Variants in DNAJC3 observed in about 807,000 individuals in gnomAD.
The protein encoded by DNAJC3 is DnaJ heat shock protein family (Hsp40) member C3.
A neutral mutation model predicts 68.6 loss-of-function variants in DNAJC3; 38 were observed. That is an observed-to-expected ratio of 0.55 (90% CI 0.43 to 0.73). The LOEUF (loss-of-function observed/expected upper bound fraction) is 0.73. DNAJC3 is among the 30% of genes least tolerant of loss of function. The pLI, the probability that DNAJC3 is intolerant of heterozygous loss-of-function variation, is 0.00. For synonymous variants in DNAJC3, 203 were observed against 204.0 expected, an observed-to-expected ratio of 1.00 and a Z score of 0.04; for missense variants, 526 against 591.9, an observed-to-expected ratio of 0.89 and a Z score of 1.16.
intron 2 of DNAJC3, among the ~76,000 whole-genome samples, chr13:95,715,982 C>T (rs1473257802): frequency 6.6e-6 from 1 of 151,432 alleles, no homozygotes; most frequent in Non-Finnish European, 1.5e-5. Flanking sequence ...CATGGTGAAA[C>T]CTCCTCTCTA....
chr13:95,683,016 G>C (rs1374351188), intron 1 of DNAJC3, among the ~76,000 whole-genome samples: 1 of 152,174 alleles, frequency 6.6e-6, no homozygotes, highest in African/African-American at 2.4e-5. Flanking sequence ...TTGTGGAGTT[G>C]GGACTTTGAG....
chr13:95,691,024 C>A (rs1161980953), intron 1 of DNAJC3, among the ~76,000 whole-genome samples: 14 of 143,810 alleles, frequency 9.7e-5, no homozygotes, highest in African/African-American at 3.1e-4. Context: ...GGGCTGACCC[C>A]CCCACCTCCC....
At position 95,792,538 on chromosome 13, in the gene DNAJC3, C is replaced by A. The variant is rs774671992; in HGVS notation, c.*1508C>A. On this transcript the variant is annotated 3_prime_UTR_variant, in exon 12 of 12. Coordinates refer to ENST00000602402, the MANE Select transcript of DNAJC3 (RefSeq NM_006260.5). ...ACATCCATAACAGCAAAGCACAAAT[C>A]GTTTTCGTCTGTAGTCATATCCTGA... 2 of 152,284 alleles carry A rather than the reference C, an allele frequency of 1.3e-5. No homozygotes were observed. The highest frequency in any genetic ancestry group is 3.9e-4 in the East Asian group (2 of 5,180). 9.4% of individuals were successfully genotyped at this position (152,284 alleles called of 1,614,324 possible).
intron 9 of DNAJC3, among the ~76,000 whole-genome samples, chr13:95,765,057 C>A (rs1001005943): frequency 1.3e-5 from 2 of 152,050 alleles, no homozygotes; most frequent in African/African-American, 4.8e-5. Flanking sequence ...TTCCCAGTTT[C>A]CAGGGAATGA....
chr13:95,789,160 A>ATT (rs201551035), intron 11 of DNAJC3, among the ~76,000 whole-genome samples: 1 of 149,458 alleles, frequency 6.7e-6, no homozygotes, highest in Non-Finnish European at 1.5e-5. Flanking sequence ...AAGTCTTTTT[A>ATT]TTTTTTTTTT....
chr13:95,759,005 C>T (rs528887613), intron 5 of DNAJC3, among the ~76,000 whole-genome samples: 1 of 152,234 alleles, frequency 6.6e-6, no homozygotes, highest in East Asian at 1.9e-4. Context: ...GAACTTAGTT[C>T]ATTGTCCATG....
chr13:95,786,013 C>A lies in DNAJC3; in HGVS notation c.1150C>A (p.Gln384Lys), dbSNP rs767011090. The A allele has an allele frequency of 6.2e-7, 1 of 1,611,694 alleles. No homozygotes were observed. Among genetic ancestry groups the A allele is most frequent in the Non-Finnish European group, 8.5e-7 (1 of 1,179,060 alleles). Reference sequence around the variant, plus strand: ...GATTCGAGAAGGTCTAGAGAAAGCACAAAGATTATTGAAACAGTCGCAGAA... The same window carrying A: ...GATTCGAGAAGGTCTAGAGAAAGCAAAAAGATTATTGAAACAGTCGCAGAA... ...QQIREGLEKA[Q>K]RLLKQSQKRD... The change falls in exon 10 of 12, where the codon CAA becomes AAA. Residue 384 changes from glutamine to lysine, a missense_variant. Coordinates refer to ENST00000602402, the MANE Select transcript of DNAJC3 (RefSeq NM_006260.5).
In DNAJC3 at chr13:95,677,179, C is replaced by A. The variant is rs1345853671; in HGVS notation, c.-77C>A. 6 of 1,399,338 alleles carry A rather than the reference C, an allele frequency of 4.3e-6. No individual in the cohort carries two copies. Among genetic ancestry groups the A allele is most frequent in the Middle Eastern group, 1.8e-4 (1 of 5,416 alleles). 86.7% of individuals were successfully genotyped at this position (1,399,338 alleles called of 1,614,324 possible). The stretch of plus-strand genomic sequence containing the variant: ...TGAGCGAGAGCCGACGGCGGGCGGG[C>A]GCAGCTGCTGCCGGAGCGCCGGCGC... On this transcript the variant is annotated 5_prime_UTR_variant, in exon 1 of 12. Coordinates refer to ENST00000602402, the MANE Select transcript of DNAJC3 (RefSeq NM_006260.5).
chr13:95,781,029 AGGACCTGTTC>A (rs1271155123), intron 9 of DNAJC3, among the ~76,000 whole-genome samples: 2 of 152,138 alleles, frequency 1.3e-5, no homozygotes, highest in East Asian at 1.9e-4. Context: ...GTAAGTAAAT[AGGACCTGTTC>A]ACTGGAGAAC....
intron 1 of DNAJC3, among the ~76,000 whole-genome samples, chr13:95,682,226 C>A (rs1879932638): frequency 1.3e-5 from 2 of 152,120 alleles, no homozygotes; most frequent in South Asian, 4.1e-4. Context: ...TAGACTCTAC[C>A]CCACCTTGCT....
At chr13:95,784,921 G>T (rs1052314331) in intron 9 of DNAJC3, among the ~76,000 whole-genome samples, 6 of 152,122 alleles carry the variant, frequency 3.9e-5, no homozygotes, top group Non-Finnish European at 7.3e-5. Flanking sequence ...GATGCAGTCA[G>T]CCAAAGTGAC....
At chr13:95,708,758 A>G (rs1410854285) in intron 1 of DNAJC3, among the ~76,000 whole-genome samples, 1 of 152,176 alleles carries the variant, frequency 6.6e-6, no homozygotes, top group Admixed American at 6.5e-5. Context: ...CTCCCACGAT[A>G]ACATCAGGCG....
intron 11 of DNAJC3, among the ~76,000 whole-genome samples, chr13:95,788,667 A>T (rs1883673496): frequency 6.6e-6 from 1 of 152,012 alleles, no homozygotes; most frequent in Non-Finnish European, 1.5e-5. Context: ...TATGCAGACC[A>T]CTCCACTGAA....
At chr13:95,782,197 C>G (rs1434026976) in intron 9 of DNAJC3, among the ~76,000 whole-genome samples, 2 of 152,182 alleles carry the variant, frequency 1.3e-5, no homozygotes, top group Non-Finnish European at 2.9e-5. Flanking sequence ...TTTATCCAGT[C>G]TATCATTGAT....
At chr13:95,774,865 T>A (rs1176283636) in intron 9 of DNAJC3, among the ~76,000 whole-genome samples, 3 of 152,204 alleles carry the variant, frequency 2.0e-5, no homozygotes, top group East Asian at 3.8e-4. Context: ...TGTGCCTTTA[T>A]AAGTATGTCT....
intron 4 of DNAJC3, among the ~76,000 whole-genome samples, chr13:95,753,633 A>G (rs966259848): frequency 4.6e-4 from 70 of 152,230 alleles, no homozygotes; most frequent in Non-Finnish European, 2.9e-5. Context: ...GAAGTCAAAG[A>G]AAGGTTCTAT....
At position 95,794,074 on chromosome 13, in the gene DNAJC3, A is replaced by ACGT. The variant is rs1317681287; in HGVS notation, c.*3045_*3047dup. ...AGTTTACTAATGTGAATCAGATGTA[A>ACGT]CGTACTACTAATTCTACAATGCCTT... On this transcript the variant is annotated 3_prime_UTR_variant, in exon 12 of 12. Coordinates refer to ENST00000602402, the MANE Select transcript of DNAJC3 (RefSeq NM_006260.5). 3 of 152,224 alleles carry ACGT rather than the reference A, an allele frequency of 2.0e-5. No homozygotes were observed. The highest frequency in any genetic ancestry group is 4.4e-5 in the Non-Finnish European group (3 of 68,040). 9.4% of individuals were successfully genotyped at this position (152,224 alleles called of 1,614,324 possible). A position where few individuals can be genotyped will look rare whatever the true frequency, so the allele number is the denominator to read the frequency against.
intron 4 of DNAJC3, among the ~76,000 whole-genome samples, chr13:95,757,258 C>T (rs1882690367): frequency 6.6e-6 from 1 of 152,034 alleles, no homozygotes; most frequent in Non-Finnish European, 1.5e-5. Context: ...TAAAAAAATA[C>T]TTAGGAACTA....
intron 1 of DNAJC3, 26 bp from the exon 2 acceptor site, chr13:95,709,201 C>T: frequency 6.8e-7 from 1 of 1,459,910 alleles, no homozygotes; most frequent in Non-Finnish European, 9.2e-7. Context: ...GGAAAGTTAA[C>T]TGATTGTTTT....
Sources: allele counts gnomAD v4.1 joint callset (sites outside exome capture counted in the v4.1 genomes callset), GRCh38; gene constraint gnomAD v4.1.1; transcripts MANE v1.5; gene names NCBI Gene and HGNC (gene_info 2026-07-23, HGNC 2026-07-21).